The following CDH23 variants were observed in gnomAD, a reference collection of about 807,000 sequenced individuals.
CDH23 encodes cadherin related 23, also known as cadherin-23.
CDH23 carries 189 observed loss-of-function variants against 317.1 expected under a neutral mutation model. The ratio of observed to expected loss-of-function variants is 0.60; its 90% CI spans 0.53 to 0.67. The LOEUF is 0.67. Ranked by LOEUF, CDH23 falls within the 30% of genes least tolerant of loss-of-function variation. The pLI is 0.00. For missense variants in CDH23, 4,401 were observed against 4,592.4 expected (o/e 0.96, Z 1.20); for synonymous variants, 1,839 against 1,876.8 (o/e 0.98, Z 0.52).
chr10:71,491,289 C>T (rs770499727), intron 3 of CDH23, among the ~76,000 whole-genome samples: 2 of 152,144 alleles, frequency 1.3e-5, no homozygotes, highest in Non-Finnish European at 2.9e-5. Flanking sequence ...TTAGACTTCT[C>T]CCCCAGTGCT....
intron 6 of CDH23, among the ~76,000 whole-genome samples, chr10:71,566,102 A>G (rs768341490): frequency 2.4e-4 from 36 of 152,294 alleles, no homozygotes; most frequent in Middle Eastern, 3.4e-3. Flanking sequence ...TGCAAAGGGC[A>G]CTGGGGAGTC....
intron 38 of CDH23, chr10:71,748,604 TTCTTAAAAGCATGGATTTCCC>T (rs1185613874): frequency 6.6e-6 from 1 of 152,256 alleles, no homozygotes; most frequent in African/African-American, 2.4e-5. Flanking sequence ...AATGAATTAG[TTCTTAAAAGCATGGATTTCCC>T]TCTCAGGGCC....
chr10:71,559,101 G>A (rs1589206746), intron 6 of CDH23, among the ~76,000 whole-genome samples: 1 of 152,222 alleles, frequency 6.6e-6, no homozygotes. Context: ...TGGTGTCTCC[G>A]GGTCCTGAGC....
At chr10:71,521,179 C>T (rs1293765635) in intron 6 of CDH23, among the ~76,000 whole-genome samples, 1 of 151,864 alleles carries the variant, frequency 6.6e-6, no homozygotes, top group Admixed American at 6.6e-5. Flanking sequence ...ATGTAATCGT[C>T]CCCACTCACT....
At chr10:71,627,771 C>T (rs1004622177) in intron 11 of CDH23, among the ~76,000 whole-genome samples, 4 of 152,220 alleles carry the variant, frequency 2.6e-5, no homozygotes, top group African/African-American at 9.6e-5. Context: ...GCCACCCACA[C>T]TCCTGAGCAG....
chr10:71,757,407 C>T (rs1337164720), intron 38 of CDH23, among the ~76,000 whole-genome samples: 1 of 152,192 alleles, frequency 6.6e-6, no homozygotes, highest in African/African-American at 2.4e-5. Flanking sequence ...TGAGTTGAGG[C>T]TGGGGCAGAG....
intron 68 of CDH23, 89 bp from the exon 69 acceptor site, chr10:71,813,155 C>T (rs926233522): frequency 1.0e-5 from 13 of 1,280,124 alleles, no homozygotes; most frequent in African/African-American, 7.4e-5. Flanking sequence ...ATCAGATGTC[C>T]GTGTACCCCT....
chr10:71,518,965 C>T (rs1383198276), intron 6 of CDH23, among the ~76,000 whole-genome samples: 1 of 152,250 alleles, frequency 6.6e-6, no homozygotes, highest in African/African-American at 2.4e-5. Context: ...GGGCGTCCTC[C>T]ACCACCCACA....
intron 26 of CDH23, among the ~76,000 whole-genome samples, 181 bp from the exon 27 acceptor site, chr10:71,708,917 C>T (rs946845808): frequency 6.6e-6 from 1 of 152,196 alleles, no homozygotes; most frequent in Non-Finnish European, 1.5e-5. Context: ...GCATCTGGCA[C>T]CCCCGCTGAG....
intron 9 of CDH23, among the ~76,000 whole-genome samples, chr10:71,608,863 GA>G (rs1366635514): frequency 7.2e-5 from 11 of 152,332 alleles, no homozygotes; most frequent in Non-Finnish European, 1.5e-4. Flanking sequence ...TTCCCAGGCC[GA>G]GTGGGGAGCC....
Position 71,807,666 on chromosome 10 carries a change from C to T in CDH23, c.8459C>T (p.Thr2820Ile), listed in dbSNP as rs763352048. The T allele has an allele frequency of 9.3e-6, 15 of 1,613,864 alleles. No individual in the cohort carries two copies. The highest frequency in any genetic ancestry group is 2.2e-5 in the South Asian group (2 of 91,068). ...SWTPPRGPSPTLDLVADLTLQ... is the reference protein window; with the variant it reads ...SWTPPRGPSPILDLVADLTLQ... ...ACACCTCCCCGTGGACCCTCCCCAA[C>T]CCTCGACCTGGTTGCTGACCTCACA... Residue 2820 changes from threonine (T) to isoleucine (I), a missense_variant, in exon 59 of 70, where the codon ACC becomes ATC. Thr to Ile is a moderately conservative substitution (Grantham distance 89). Coordinates refer to ENST00000224721, the MANE Select transcript of CDH23 (RefSeq NM_022124.6).
rs149797671 is a variant in CDH23 at position 71,563,485 on chromosome 10, G to A, written c.430-3257G>A. On this transcript the variant is annotated intron_variant, in intron 6 of 69. Coordinates refer to ENST00000224721, the MANE Select transcript of CDH23 (RefSeq NM_022124.6). ...TTCAGCAGCCAGGATCCAATCAGCA[G>A]AGATGTTCTCTTTCTGAATTTTAAG... Among the ~76,000 whole-genome samples, 475 of 152,148 alleles carry A rather than the reference G, an allele frequency of 3.1e-3. 1 individual carries two copies. The highest frequency in any genetic ancestry group is 0.01 in the African/African-American group (432 of 41,514).
At chr10:71,577,813 C>A in intron 8 of CDH23, 101 bp from the exon 9 acceptor site, 2 of 1,030,060 alleles carry the variant, frequency 1.9e-6, no homozygotes, top group South Asian at 2.8e-5. Context: ...CCCTTGCAGC[C>A]AGGATCAGCC....
chr10:71,662,289 C>T (rs1013882823), intron 14 of CDH23, among the ~76,000 whole-genome samples: 2 of 152,120 alleles, frequency 1.3e-5, no homozygotes. Flanking sequence ...AATCAGCACC[C>T]GCCAGTGACA....
intron 6 of CDH23, among the ~76,000 whole-genome samples, chr10:71,555,091 C>G (rs1856805238): frequency 3.9e-5 from 6 of 152,210 alleles, no homozygotes; most frequent in Admixed American, 3.9e-4. Context: ...AGCAGCCAAT[C>G]AGACCAATCA....
At chr10:71,495,808 T>TG (rs1852925792) in intron 3 of CDH23, among the ~76,000 whole-genome samples, 2 of 141,530 alleles carry the variant, frequency 1.4e-5, no homozygotes, top group Admixed American at 1.4e-4. Flanking sequence ...ACAGAGGTTT[T>TG]GGAAAAAAAA....
At chr10:71,697,859 C>T (rs1275171539) in intron 22 of CDH23, among the ~76,000 whole-genome samples, 2 of 152,194 alleles carry the variant, frequency 1.3e-5, no homozygotes, top group Admixed American at 1.3e-4. Flanking sequence ...ATCTGTAGTA[C>T]AGAGCGGGTG....
At position 71,421,046 on chromosome 10, in the gene CDH23, T is replaced by TG. The variant is rs1224082771; in HGVS notation, c.-5-18777dup. Reference sequence around the variant, plus strand: ...TTGGTTTCTGCTGCTCCCCTGCCTGTGGGGTCTGTCATTCTCTCCAGACTT... The same window carrying TG: ...TTGGTTTCTGCTGCTCCCCTGCCTGTGGGGGTCTGTCATTCTCTCCAGACTT... On this transcript the variant is annotated intron_variant, in intron 1 of 69. Transcript: ENST00000224721. Among the ~76,000 whole-genome samples the TG allele has an allele frequency of 7.2e-5, 11 of 152,344 alleles. No homozygotes were observed. In the South Asian group the frequency reaches 2.3e-3, roughly 32 times the overall value.
chr10:71,571,695 A>C (rs1020779507), intron 8 of CDH23, among the ~76,000 whole-genome samples: 1 of 152,204 alleles, frequency 6.6e-6, no homozygotes, highest in African/African-American at 2.4e-5. Context: ...AATTAGAAAA[A>C]TGCGCCTCCC....
Sources: gnomAD v4.1 joint callset for allele counts (sites outside exome capture counted in the v4.1 genomes callset) on GRCh38, gnomAD v4.1.1 for gene constraint, MANE v1.5 for transcripts, NCBI Gene and HGNC (gene_info 2026-07-23, HGNC 2026-07-21) for gene names.